CAB39: variants seen among roughly 807,000 people sequenced by gnomAD.
CAB39 encodes the protein calcium binding protein 39.
In CAB39, 8 loss-of-function variants were observed where a neutral mutation model predicts 40.0. The ratio of observed to expected loss-of-function variants is 0.20; its 90% CI spans 0.12 to 0.36. The LOEUF (loss-of-function observed/expected upper bound fraction) is 0.36. Among genes scored for constraint, CAB39 ranks in the 10% least tolerant of loss-of-function variants. The pLI is 1.00. For synonymous variants in CAB39, 156 were observed against 141.6 expected (o/e 1.10, Z -0.72); for missense variants, 270 against 401.1 (o/e 0.67, Z 2.79).
At chr2:230,740,719 A>G (rs1694861584) in intron 1 of CAB39, among the ~76,000 whole-genome samples, 1 of 152,078 alleles carries the variant, frequency 6.6e-6, no homozygotes, top group Non-Finnish European at 1.5e-5. Context: ...TGCTGATCTG[A>G]CAGTAGGCAG....
intron 1 of CAB39, among the ~76,000 whole-genome samples, chr2:230,757,136 C>G (rs887647796): frequency 9.2e-5 from 14 of 151,608 alleles, no homozygotes; most frequent in African/African-American, 2.4e-4. Context: ...AAGTCAGGGC[C>G]TTACTCTGTC....
intron 5 of CAB39, among the ~76,000 whole-genome samples, chr2:230,809,077 T>G (rs961771165): frequency 2.0e-5 from 3 of 151,828 alleles, no homozygotes; most frequent in African/African-American, 7.3e-5. Context: ...TCAGGAGGAG[T>G]TGAGGTCCGA....
intron 2 of CAB39, among the ~76,000 whole-genome samples, chr2:230,774,492 A>C (rs1208051889): frequency 1.3e-5 from 2 of 152,160 alleles, no homozygotes; most frequent in African/African-American, 4.8e-5. Flanking sequence ...GGTGGGACTT[A>C]GTCTTTCACT....
intron 1 of CAB39, among the ~76,000 whole-genome samples, chr2:230,732,917 G>A (rs1167050735): frequency 6.6e-6 from 1 of 152,136 alleles, no homozygotes; most frequent in Non-Finnish European, 1.5e-5. Flanking sequence ...CTGATTTGAA[G>A]TATTAAATAC....
At chr2:230,773,634 T>C (rs1695532271) in intron 2 of CAB39, among the ~76,000 whole-genome samples, 1 of 152,138 alleles carries the variant, frequency 6.6e-6, no homozygotes, top group South Asian at 2.1e-4. Flanking sequence ...AAAACTCTAC[T>C]GTGAGGAACA....
chr2:230,757,482 T>C (rs1695212595), intron 1 of CAB39, among the ~76,000 whole-genome samples: 1 of 152,230 alleles, frequency 6.6e-6, no homozygotes, highest in Non-Finnish European at 1.5e-5. Context: ...GAAATGATTA[T>C]GTCATGCCTC....
Position 230,726,007 on chromosome 2 carries a change from A to G in CAB39, c.-44+12777A>G, listed in dbSNP as rs78558463. Among the ~76,000 whole-genome samples the G allele has an allele frequency of 8.9e-4, 136 of 152,344 alleles. 2 individuals carry two copies. The highest frequency in any genetic ancestry group is 2.9e-3 in the African/African-American group (122 of 41,578). On this transcript the variant is annotated intron_variant, in intron 1 of 8. Coordinates refer to ENST00000258418, the MANE Select transcript of CAB39 (RefSeq NM_016289.4). ...CTATTTCCTTTTTTAGTAGGATTCT[A>G]TTAAATGTCTGAGATAAGGATGGGG...
intron 1 of CAB39, among the ~76,000 whole-genome samples, chr2:230,753,387 G>C (rs938903835): frequency 1.3e-5 from 2 of 152,144 alleles, no homozygotes; most frequent in African/African-American, 4.8e-5. Context: ...TTAGAATCCT[G>C]TCACTGTCTG....
intron 1 of CAB39, among the ~76,000 whole-genome samples, chr2:230,722,307 CTT>C (rs1453041575): frequency 6.6e-6 from 1 of 152,132 alleles, no homozygotes; most frequent in Non-Finnish European, 1.5e-5. Context: ...ACCATACAAA[CTT>C]TCATTTTTCT....
intron 3 of CAB39, among the ~76,000 whole-genome samples, chr2:230,791,351 T>G (rs1244618211): frequency 6.6e-6 from 1 of 152,216 alleles, no homozygotes; most frequent in East Asian, 1.9e-4. Context: ...ACTCTAATAA[T>G]TCACTGGCCC....
intron 6 of CAB39, chr2:230,813,835 G>A: frequency 4.4e-6 from 2 of 450,112 alleles, no homozygotes; most frequent in East Asian, 8.7e-5. Flanking sequence ...TCATGGAAGG[G>A]ATTGGTGGGA....
intron 1 of CAB39, among the ~76,000 whole-genome samples, chr2:230,754,385 C>T (rs934023198): frequency 6.8e-6 from 1 of 146,076 alleles, no homozygotes. Context: ...CTTCCTCTTC[C>T]CCTCCTTCTT....
At chr2:230,751,129 A>G (rs1334814927) in intron 1 of CAB39, among the ~76,000 whole-genome samples, 1 of 152,250 alleles carries the variant, frequency 6.6e-6, no homozygotes, top group Non-Finnish European at 1.5e-5. Flanking sequence ...ACACTCCATG[A>G]CTGCTTAAGA....
rs143238394 is a variant in CAB39, at chr2:230,731,634, C to T, written c.-44+18404C>T. 6.4e-3 allele frequency among the ~76,000 whole-genome samples: 972 copies of T among 152,258 alleles called. 5 individuals carry two copies. The highest frequency in any genetic ancestry group is 0.017 in the African/African-American group (714 of 41,528). ...CGTCCCTCCTCAGCCTCTCAAGTAG[C>T]TAGGACTACAGACGAGCACCTGCAC... On this transcript the variant is annotated intron_variant, in intron 1 of 8. Transcript: ENST00000258418.
intron 1 of CAB39, among the ~76,000 whole-genome samples, chr2:230,743,045 G>A (rs947143831): frequency 1.3e-5 from 2 of 152,120 alleles, no homozygotes; most frequent in East Asian, 1.9e-4. Flanking sequence ...CTTTGTGGCC[G>A]GGTCAGCCAT....
chr2:230,741,235 A>AGTGTGGTGT (rs1326218117), intron 1 of CAB39, among the ~76,000 whole-genome samples: 1 of 152,248 alleles, frequency 6.6e-6, no homozygotes, highest in Non-Finnish European at 1.5e-5. Flanking sequence ...CAGACACCAC[A>AGTGTGGTGT]CAGGTTAGTG....
chr2:230,772,979 CAATAAAA>C (rs1427787639), intron 2 of CAB39, among the ~76,000 whole-genome samples: 6 of 60,918 alleles, frequency 9.8e-5, no homozygotes, highest in African/African-American at 5.0e-4. Flanking sequence ...TACTACTCAG[CAATAAAA>C]AAAAAAAAAA....
At chr2:230,781,711 G>A (rs571935468) in intron 2 of CAB39, among the ~76,000 whole-genome samples, 1 of 152,314 alleles carries the variant, frequency 6.6e-6, no homozygotes, top group African/African-American at 2.4e-5. Flanking sequence ...TGGGGTGGTA[G>A]GAGATGAGAA....
chr2:230,741,423 A>G (rs1227703115), intron 1 of CAB39, among the ~76,000 whole-genome samples: 1 of 152,222 alleles, frequency 6.6e-6, no homozygotes, highest in African/African-American at 2.4e-5. Context: ...ATGGTTGCTC[A>G]GATTTGATAC....
Sources: gnomAD v4.1 joint callset for allele counts (sites outside exome capture counted in the v4.1 genomes callset) on GRCh38, gnomAD v4.1.1 for gene constraint, MANE v1.5 for transcripts, NCBI Gene and HGNC (gene_info 2026-07-23, HGNC 2026-07-21) for gene names.